Variants in PCDH9 observed in about 807,000 individuals in gnomAD.
The protein encoded by PCDH9 is protocadherin 9.
PCDH9 carries 24 observed loss-of-function variants against 70.6 expected under a neutral mutation model. The observed-to-expected ratio is 0.34, with a 90% confidence interval of 0.25 to 0.48. PCDH9 has a LOEUF of 0.48. Among genes scored for constraint, PCDH9 ranks in the 20% least tolerant of loss-of-function variants. PCDH9 has a pLI of 0.99. For missense variants in PCDH9, 1,281 were observed against 1,503.6 expected, an observed-to-expected ratio of 0.85 and a Z score of 2.45; for synonymous variants, 562 against 558.5, an observed-to-expected ratio of 1.01 and a Z score of -0.09.
intron 3 of PCDH9, among the ~76,000 whole-genome samples, chr13:66,824,185 A>G (rs2080767324): frequency 6.6e-6 from 1 of 151,376 alleles, no homozygotes; most frequent in African/African-American, 2.4e-5. Flanking sequence ...ATTTAAATCT[A>G]TTTTAGAAAT....
chr13:66,934,708 C>CTTTTTTTTTT (rs1158291293), intron 2 of PCDH9, among the ~76,000 whole-genome samples: 1 of 47,304 alleles, frequency 2.1e-5, no homozygotes. Flanking sequence ...CATGTGTTTG[C>CTTTTTTTTTT]TTTTTTTTTT....
chr13:66,738,107 A>T (rs888527858), intron 3 of PCDH9, among the ~76,000 whole-genome samples: 2 of 152,212 alleles, frequency 1.3e-5, no homozygotes, highest in African/African-American at 4.8e-5. Context: ...ACAGCTTTGA[A>T]GAGAGCAGTG....
rs189189707 is a variant in PCDH9, at chr13:67,191,019, A to G, written c.3036+34386T>C. On this transcript the variant is annotated intron_variant, in intron 2 of 4. Transcript: ENST00000377865. ...TTCTCAAGGTCTTGACCTCCATTCTATTCATATGTGATCTACTAAGACTGT... is the reference window on the plus strand; with the variant it reads ...TTCTCAAGGTCTTGACCTCCATTCTGTTCATATGTGATCTACTAAGACTGT... 2.7e-3 allele frequency among the ~76,000 whole-genome samples: 407 copies of G among 152,182 alleles called. 2 individuals carry two copies. Among genetic ancestry groups the G allele is most frequent in the African/African-American group, 9.2e-3 (381 of 41,554 alleles).
chr13:67,051,108 A>G (rs2085313128), intron 2 of PCDH9, among the ~76,000 whole-genome samples: 1 of 152,162 alleles, frequency 6.6e-6, no homozygotes, highest in South Asian at 2.1e-4. Context: ...TAATGTTTAG[A>G]AATTCCATAA....
chr13:66,763,628 C>T (rs2079662853), intron 3 of PCDH9, among the ~76,000 whole-genome samples: 1 of 151,998 alleles, frequency 6.6e-6, no homozygotes, highest in Non-Finnish European at 1.5e-5. Flanking sequence ...AAAAGTGCAA[C>T]ATTTGGTAGA....
intron 3 of PCDH9, among the ~76,000 whole-genome samples, chr13:66,800,862 G>A (rs1594078222): frequency 6.6e-6 from 1 of 151,886 alleles, no homozygotes; most frequent in Admixed American, 6.6e-5. Context: ...ATATTTTAGG[G>A]TTCTTGTGAA....
At chr13:66,369,613 C>G (rs1338176602) in intron 4 of PCDH9, among the ~76,000 whole-genome samples, 2 of 152,062 alleles carry the variant, frequency 1.3e-5, no homozygotes, top group Admixed American at 6.6e-5. Context: ...ATTTTATGTT[C>G]CTTATTACTT....
At chr13:66,720,563 T>G in intron 3 of PCDH9, among the ~76,000 whole-genome samples, 1 of 152,224 alleles carries the variant, frequency 6.6e-6, no homozygotes, top group East Asian at 1.9e-4. Flanking sequence ...TTATAAAAAA[T>G]GGACACTTTT....
chr13:66,927,419 T>A (rs1038874538), intron 2 of PCDH9, among the ~76,000 whole-genome samples: 24 of 150,030 alleles, frequency 1.6e-4, no homozygotes, highest in African/African-American at 5.9e-4. Context: ...GAGGGAGAGG[T>A]TCATGAAAAA....
chr13:66,964,346 G>A (rs2083397850), intron 2 of PCDH9, among the ~76,000 whole-genome samples: 1 of 151,550 alleles, frequency 6.6e-6, no homozygotes, highest in Non-Finnish European at 1.5e-5. Flanking sequence ...AATGGTATTA[G>A]TAAACAAAAA....
intron 4 of PCDH9, among the ~76,000 whole-genome samples, chr13:66,450,582 G>T (rs912198670): frequency 1.3e-5 from 2 of 152,176 alleles, no homozygotes; most frequent in African/African-American, 4.8e-5. Context: ...GAACATACAA[G>T]ACCATTTGAA....
intron 4 of PCDH9, among the ~76,000 whole-genome samples, chr13:66,458,991 G>A (rs1245655850): frequency 6.6e-6 from 1 of 151,964 alleles, no homozygotes; most frequent in African/African-American, 2.4e-5. Flanking sequence ...AAAGCAATAT[G>A]TTTTGGAGTG....
At chr13:66,750,092 T>G (rs2079433693) in intron 3 of PCDH9, among the ~76,000 whole-genome samples, 1 of 152,088 alleles carries the variant, frequency 6.6e-6, no homozygotes, top group East Asian at 1.9e-4. Context: ...CACACGTGCA[T>G]GTGCACACAC....
intron 2 of PCDH9, among the ~76,000 whole-genome samples, chr13:66,972,682 C>T (rs1342858328): frequency 6.6e-6 from 1 of 151,974 alleles, no homozygotes; most frequent in East Asian, 1.9e-4. Flanking sequence ...CCACAAGTGT[C>T]AGTCTGAAAT....
chr13:67,027,553 C>A (rs1272310002), intron 2 of PCDH9, among the ~76,000 whole-genome samples: 3 of 151,088 alleles, frequency 2.0e-5, no homozygotes, highest in East Asian at 1.9e-4. Context: ...GCAACAAAAG[C>A]CAAAATTGAC....
At chr13:66,945,928 A>G (rs2083081058) in intron 2 of PCDH9, among the ~76,000 whole-genome samples, 1 of 152,174 alleles carries the variant, frequency 6.6e-6, no homozygotes, top group African/African-American at 2.4e-5. Flanking sequence ...AAATTGTTTC[A>G]AAGTAATGGT....
intron 2 of PCDH9, among the ~76,000 whole-genome samples, chr13:67,134,581 A>C (rs1211394414): frequency 3.3e-5 from 5 of 152,148 alleles, no homozygotes; most frequent in Admixed American, 3.3e-4. Context: ...CTTCATTTAA[A>C]AGCTTGTTTT....
chr13:67,225,294 T>G, intron 2 of PCDH9, 111 bp downstream of exon 2: 2 of 1,339,900 alleles, frequency 1.5e-6, no homozygotes, highest in East Asian at 4.6e-5. Flanking sequence ...TTTTTACCTC[T>G]TTCTAACTAA....
chr13:66,956,045 T>G (rs2083261500), intron 2 of PCDH9, among the ~76,000 whole-genome samples: 1 of 152,052 alleles, frequency 6.6e-6, no homozygotes, highest in Non-Finnish European at 1.5e-5. Flanking sequence ...GAGGTTGCAG[T>G]GAGCTGAGAT....
Sources: gnomAD v4.1 joint callset for allele counts (sites outside exome capture counted in the v4.1 genomes callset) on GRCh38, gnomAD v4.1.1 for gene constraint, MANE v1.5 for transcripts, NCBI Gene and HGNC (gene_info 2026-07-23, HGNC 2026-07-21) for gene names.